RNF180: variants seen among roughly 807,000 people sequenced by gnomAD.
RNF180 encodes the protein E3 ubiquitin-protein ligase RNF180.
Under a neutral mutation model 59.2 loss-of-function variants are expected in RNF180, and 38 were observed. The observed-to-expected ratio is 0.64, with a 90% confidence interval of 0.50 to 0.84. RNF180 has a LOEUF of 0.84. Ranked by LOEUF, RNF180 falls within the 40% of genes least tolerant of loss-of-function variation. RNF180 has a pLI of 0.00. For missense variants in RNF180, 705 were observed against 700.9 expected, an observed-to-expected ratio of 1.01 and a Z score of -0.07; for synonymous variants, 262 against 240.3, an observed-to-expected ratio of 1.09 and a Z score of -0.84.
At chr5:64,198,696 G>C (rs1289915463) in intron 1 of RNF180, among the ~76,000 whole-genome samples, 1 of 152,066 alleles carries the variant, frequency 6.6e-6, no homozygotes, top group African/African-American at 2.4e-5. Context: ...CTGGTTAAAA[G>C]GGAGATGAAG....
intron 7 of RNF180, among the ~76,000 whole-genome samples, chr5:64,337,353 G>A (rs1288026896): frequency 6.6e-6 from 1 of 151,708 alleles, no homozygotes; most frequent in Non-Finnish European, 1.5e-5. Context: ...TTACTTTTTC[G>A]GTCTTTATCT....
intron 5 of RNF180, among the ~76,000 whole-genome samples, chr5:64,267,391 G>A (rs535633094): frequency 5.9e-5 from 9 of 151,690 alleles, no homozygotes; most frequent in African/African-American, 2.2e-4. Flanking sequence ...TAGGGTACAT[G>A]TGCACATTGT....
At chr5:64,192,399 C>A (rs114504777) in intron 1 of RNF180, among the ~76,000 whole-genome samples, 1 of 152,008 alleles carries the variant, frequency 6.6e-6, no homozygotes, top group African/African-American at 2.4e-5. Context: ...AGTTGCCAGG[C>A]GCAGTGGCTC....
chr5:64,294,914 C>A (rs1272517967), intron 5 of RNF180, among the ~76,000 whole-genome samples: 2 of 152,140 alleles, frequency 1.3e-5, no homozygotes, highest in African/African-American at 2.4e-5. Flanking sequence ...TGGAAAGTTT[C>A]TTTATTCCCC....
At chr5:64,225,946 G>C (rs1375378280) in intron 5 of RNF180, among the ~76,000 whole-genome samples, 2 of 142,424 alleles carry the variant, frequency 1.4e-5, no homozygotes, top group Non-Finnish European at 3.0e-5. Flanking sequence ...CCTCTGCCCG[G>C]CTGCCCCGTC....
chr5:64,311,271 T>C (rs1580227026), intron 5 of RNF180, among the ~76,000 whole-genome samples: 1 of 152,000 alleles, frequency 6.6e-6, no homozygotes, highest in East Asian at 1.9e-4. Context: ...GGAAGTAAGT[T>C]ATGGTTGATA....
chr5:64,214,258 A>G lies in RNF180; in HGVS notation c.932A>G (p.Gln311Arg), dbSNP rs1186640232. Residue 311 changes from glutamine to arginine, a missense_variant, in exon 4 of 8, where the codon CAG becomes CGG. Coordinates refer to ENST00000389100, the MANE Select transcript of RNF180 (RefSeq NM_001113561.2). ...CAGACACAAAGAGGAGGAGAATTTCAGTGTGGTCTAGAAGCTGCTTCAGTG... is the reference window on the plus strand; with the variant it reads ...CAGACACAAAGAGGAGGAGAATTTCGGTGTGGTCTAGAAGCTGCTTCAGTG... The part of the protein sequence containing the change: ...ETQTQRGGEF[Q>R]CGLEAASVYS... 12 of 1,614,088 alleles carry G rather than the reference A, an allele frequency of 7.4e-6. No individual in the cohort carries two copies. Among genetic ancestry groups the G allele is most frequent in the South Asian group, 1.1e-5 (1 of 91,086 alleles).
intron 5 of RNF180, among the ~76,000 whole-genome samples, chr5:64,323,230 A>T (rs1452518633): frequency 2.6e-5 from 4 of 152,128 alleles, no homozygotes; most frequent in Admixed American, 2.6e-4. Flanking sequence ...AACACTTAAG[A>T]TTAATCTTAA....
chr5:64,311,249 C>T (rs936688917), intron 5 of RNF180, among the ~76,000 whole-genome samples: 1 of 151,868 alleles, frequency 6.6e-6, no homozygotes, highest in Admixed American at 6.6e-5. Context: ...TAGCCTGGCT[C>T]TTTGGGATAG....
rs545127957 is a variant in RNF180 at position 64,372,357 on chromosome 5, A to G, written c.*2543A>G. The G allele has an allele frequency of 1.3e-4, 20 of 151,948 alleles. No homozygotes were observed. Among genetic ancestry groups the G allele is most frequent in the African/African-American group, 4.8e-4 (20 of 41,518 alleles). 9.4% of individuals were successfully genotyped at this position (151,948 alleles called of 1,614,324 possible). A position where few individuals can be genotyped will look rare whatever the true frequency, so the allele number is the denominator to read the frequency against. On this transcript the variant is annotated 3_prime_UTR_variant, in exon 8 of 8. Transcript: ENST00000389100. The stretch of plus-strand genomic sequence containing the variant: ...AAAGAATCAGAATTTATATTTTACA[A>G]AGCTTCTACCACTCTGAATCAACAA...
rs142746719 is a variant in RNF180, at chr5:64,273,474, A to G, written c.1228-51712A>G. 9.0e-4 allele frequency among the ~76,000 whole-genome samples: 137 copies of G among 152,176 alleles called. 2 individuals are homozygous for G. The highest frequency in any genetic ancestry group is 2.5e-4 in the Non-Finnish European group (17 of 67,958). ...TAAGACCAAGCATTAAGGAACTCCA[A>G]CTTTATGGAAGGATAAACAAAGACA... On this transcript the variant is annotated intron_variant, in intron 5 of 7. Transcript: ENST00000389100.
At chr5:64,327,876 C>T (rs947517404) in intron 6 of RNF180, among the ~76,000 whole-genome samples, 3 of 152,154 alleles carry the variant, frequency 2.0e-5, no homozygotes, top group African/African-American at 7.2e-5. Flanking sequence ...AAGTCTCCAA[C>T]TGTTATTGTA....
At chr5:64,284,351 A>C (rs976922081) in intron 5 of RNF180, among the ~76,000 whole-genome samples, 2 of 152,128 alleles carry the variant, frequency 1.3e-5, no homozygotes, top group African/African-American at 4.8e-5. Context: ...GTTATCTTGT[A>C]CACTGTCTTG....
intron 5 of RNF180, among the ~76,000 whole-genome samples, chr5:64,311,736 C>T (rs1743776404): frequency 6.6e-6 from 1 of 151,964 alleles, no homozygotes; most frequent in Non-Finnish European, 1.5e-5. Context: ...AGTATCGATT[C>T]CTACCATCTT....
intron 1 of RNF180, among the ~76,000 whole-genome samples, chr5:64,196,386 C>G (rs1398173643): frequency 2.6e-5 from 4 of 152,084 alleles, no homozygotes; most frequent in African/African-American, 9.7e-5. Flanking sequence ...AACTCCCTTT[C>G]TCTCAGGTTA....
At chr5:64,243,272 CAG>C (rs1263634701) in intron 5 of RNF180, among the ~76,000 whole-genome samples, 2 of 152,172 alleles carry the variant, frequency 1.3e-5, no homozygotes, top group African/African-American at 2.4e-5. Flanking sequence ...GGGCTGAAGT[CAG>C]GGAGCCAAGT....
intron 5 of RNF180, among the ~76,000 whole-genome samples, chr5:64,234,322 T>C (rs1742274159): frequency 1.3e-5 from 2 of 151,744 alleles, no homozygotes; most frequent in African/African-American, 4.8e-5. Context: ...AAAAATTAGC[T>C]GGGTGTGGTG....
At chr5:64,317,759 C>G (rs891431428) in intron 5 of RNF180, among the ~76,000 whole-genome samples, 1 of 151,414 alleles carries the variant, frequency 6.6e-6, no homozygotes, top group African/African-American at 2.4e-5. Context: ...CACATATGCT[C>G]CTCAATTTTC....
chr5:64,263,318 C>T (rs781714223), intron 5 of RNF180, among the ~76,000 whole-genome samples: 15 of 152,046 alleles, frequency 9.9e-5, no homozygotes, highest in Non-Finnish European at 1.5e-4. Flanking sequence ...TAACACTTGC[C>T]GGTCTCCATG....
Sources: gnomAD v4.1 joint callset for allele counts (sites outside exome capture counted in the v4.1 genomes callset) on GRCh38, gnomAD v4.1.1 for gene constraint, MANE v1.5 for transcripts, NCBI Gene and HGNC (gene_info 2026-07-23, HGNC 2026-07-21) for gene names.